Variants in ENTHD1 observed in about 807,000 individuals in gnomAD.
ENTHD1 encodes the protein ENTH domain containing 1, also known as ENTH domain-containing protein 1.
Under a neutral mutation model 39.1 loss-of-function variants are expected in ENTHD1, and 23 were observed. That is an observed-to-expected ratio of 0.59 (90% CI 0.42 to 0.83). The LOEUF (loss-of-function observed/expected upper bound fraction) is 0.83, where lower values mean the gene tolerates loss of function less well. Among genes scored for constraint, ENTHD1 ranks in the 40% least tolerant of loss-of-function variants. The pLI is 0.00. For synonymous variants in ENTHD1, 230 were observed against 258.2 expected (o/e 0.89, Z 1.05); for missense variants, 624 against 705.4 (o/e 0.88, Z 1.31).
chr22:39,851,489 T>C (rs757341325), intron 3 of ENTHD1, among the ~76,000 whole-genome samples: 21 of 152,210 alleles, frequency 1.4e-4, no homozygotes, highest in Non-Finnish European at 1.9e-4. Flanking sequence ...TTAAGTATGT[T>C]CTTTGCTGCT....
intron 3 of ENTHD1, among the ~76,000 whole-genome samples, chr22:39,844,264 TAAG>T (rs1459111748): frequency 6.6e-6 from 1 of 152,126 alleles, no homozygotes; most frequent in African/African-American, 2.4e-5. Context: ...AATAGGTAGA[TAAG>T]AAAAGTGAAA....
chr22:39,745,259 GA>G (rs1373077778), intron 6 of ENTHD1, among the ~76,000 whole-genome samples: 2 of 151,980 alleles, frequency 1.3e-5, no homozygotes, highest in African/African-American at 4.8e-5. Flanking sequence ...CAAATTGGTG[GA>G]ATCCAGTTCT....
At chr22:39,875,351 G>C (rs1299966324) in intron 2 of ENTHD1, 24 of 1,353,238 alleles carry the variant, frequency 1.8e-5, no homozygotes, top group Non-Finnish European at 2.3e-5. Flanking sequence ...CACGTCCCGC[G>C]GGGTGGCGGG....
intron 5 of ENTHD1, among the ~76,000 whole-genome samples, chr22:39,769,208 T>C (rs1188531830): frequency 6.6e-6 from 1 of 152,096 alleles, no homozygotes; most frequent in Non-Finnish European, 1.5e-5. Context: ...TCCCAATAAA[T>C]GAATGAACAT....
chr22:39,862,529 A>C (rs2066150255), intron 2 of ENTHD1, among the ~76,000 whole-genome samples: 1 of 149,238 alleles, frequency 6.7e-6, no homozygotes, highest in Non-Finnish European at 1.5e-5. Context: ...GCTTGGCAAG[A>C]GAGCGAGACT....
intron 4 of ENTHD1, among the ~76,000 whole-genome samples, chr22:39,824,302 A>G (rs1015137417): frequency 1.8e-4 from 23 of 127,100 alleles, no homozygotes; most frequent in African/African-American, 6.7e-4. Flanking sequence ...CTCCGCCTCC[A>G]GGGTTCAAAC....
At chr22:39,846,790 A>T (rs1270401758) in intron 3 of ENTHD1, among the ~76,000 whole-genome samples, 1 of 152,208 alleles carries the variant, frequency 6.6e-6, no homozygotes, top group Non-Finnish European at 1.5e-5. Context: ...GACACATGAA[A>T]AAATGCTCAT....
chr22:39,831,566 T>C (rs2065869225), intron 4 of ENTHD1, among the ~76,000 whole-genome samples: 1 of 152,216 alleles, frequency 6.6e-6, no homozygotes, highest in Non-Finnish European at 1.5e-5. Flanking sequence ...GGCTCATGAC[T>C]GTAATCCCAA....
intron 5 of ENTHD1, among the ~76,000 whole-genome samples, chr22:39,781,779 G>T (rs1739918709): frequency 6.6e-6 from 1 of 151,880 alleles, no homozygotes; most frequent in South Asian, 2.1e-4. Context: ...ACTAAGAAAA[G>T]AAAATGAGAG....
At chr22:39,846,507 G>T (rs138338510) in intron 3 of ENTHD1, among the ~76,000 whole-genome samples, 1 of 152,058 alleles carries the variant, frequency 6.6e-6, no homozygotes, top group Admixed American at 6.6e-5. Flanking sequence ...CCCATTTGTC[G>T]ATTTTGACTT....
chr22:39,860,094 C>T (rs2066127506), intron 3 of ENTHD1, among the ~76,000 whole-genome samples: 1 of 152,280 alleles, frequency 6.6e-6, no homozygotes, highest in Admixed American at 6.5e-5. Flanking sequence ...ATATTTTATG[C>T]TTGTGACAGA....
At chr22:39,763,872 G>A (rs1030968902) in intron 6 of ENTHD1, among the ~76,000 whole-genome samples, 3 of 151,974 alleles carry the variant, frequency 2.0e-5, no homozygotes, top group South Asian at 2.1e-4. Flanking sequence ...AAAACCAAAC[G>A]TATCAACTTC....
At chr22:39,823,813 T>G (rs1167066445) in intron 4 of ENTHD1, among the ~76,000 whole-genome samples, 1 of 152,254 alleles carries the variant, frequency 6.6e-6, no homozygotes, top group Non-Finnish European at 1.5e-5. Flanking sequence ...CTCCATATTC[T>G]CACTAGCATT....
intron 5 of ENTHD1, among the ~76,000 whole-genome samples, chr22:39,786,605 C>T (rs1785295874): frequency 6.6e-6 from 1 of 152,040 alleles, no homozygotes; most frequent in South Asian, 2.1e-4. Context: ...AATTTCTTGG[C>T]ACCTATCTTT....
At chr22:39,797,875 T>G (rs1173929845) in intron 5 of ENTHD1, among the ~76,000 whole-genome samples, 1 of 152,182 alleles carries the variant, frequency 6.6e-6, no homozygotes, top group Non-Finnish European at 1.5e-5. Context: ...TCTCTGTTTT[T>G]GATGTTTGAC....
rs2066389021 is a variant in ENTHD1 at position 39,887,527 on chromosome 22, G to A, written c.222C>T (p.Ser74=). The change falls in exon 2 of 7, where the codon TCC becomes TCT. Residue 74 remains serine, a synonymous_variant. Transcript: ENST00000325157. The part of the protein sequence containing the change: ...HGKNWRHVYK[S]LTLMDYLIKN... ...TGATGAGATAATCCATTAGGGTAAG[G>A]GATTTATACACGTGGCGCCAGTTCT... is the stretch of plus-strand genomic sequence containing the variant. 3 of 1,614,162 alleles carry A rather than the reference G, an allele frequency of 1.9e-6. No homozygotes were observed. In the East Asian group the frequency reaches 6.7e-5, roughly 36 times the overall value.
Position 39,861,794 on chromosome 22 carries a change from A to G in ENTHD1, c.563T>C (p.Leu188Pro), listed in dbSNP as rs756490695. The G allele has an allele frequency of 6.4e-7, 1 of 1,566,994 alleles. No individual in the cohort carries two copies. Among genetic ancestry groups the G allele is most frequent in the South Asian group, 1.2e-5 (1 of 81,538 alleles). ...DISASEKKYK[L>P]PKFGRLHNKR... ...ATTATGTAACCTTCCAAACTTAGGA[A>G]GCTTATACTTCTTCTCTGAAGCAGA... Residue 188 changes from leucine to proline, a missense_variant, in exon 3 of 7, where the codon CTT becomes CCT. By Grantham distance (98) the Leu-to-Pro change is moderately conservative. Coordinates refer to ENST00000325157, the MANE Select transcript of ENTHD1 (RefSeq NM_152512.4).
chr22:39,797,330 T>C (rs1569144549), intron 5 of ENTHD1, among the ~76,000 whole-genome samples: 1 of 152,240 alleles, frequency 6.6e-6, no homozygotes, highest in Non-Finnish European at 1.5e-5. Context: ...GTCTATATCA[T>C]TTAAGCAGAA....
At chr22:39,787,486 T>C (rs2007596302) in intron 5 of ENTHD1, among the ~76,000 whole-genome samples, 1 of 152,130 alleles carries the variant, frequency 6.6e-6, no homozygotes, top group Non-Finnish European at 1.5e-5. Flanking sequence ...AGCCAAGCTG[T>C]GAATGCAATG....
Sources: allele counts gnomAD v4.1 joint callset (sites outside exome capture counted in the v4.1 genomes callset), GRCh38; gene constraint gnomAD v4.1.1; transcripts MANE v1.5; gene names NCBI Gene and HGNC (gene_info 2026-07-23, HGNC 2026-07-21).